NCKAP1: variants seen among roughly 807,000 people sequenced by gnomAD.
NCKAP1 encodes nck-associated protein 1.
A neutral mutation model predicts 151.2 loss-of-function variants in NCKAP1; 21 were observed. The observed-to-expected ratio is 0.14, with a 90% CI of 0.10 to 0.20. The LOEUF is 0.20. Ranked by LOEUF, NCKAP1 falls within the 10% of genes least tolerant of loss-of-function variation. The probability of loss-of-function intolerance (pLI) is 1.00; values close to 1 mark genes in which losing one functional copy is unlikely to be tolerated. For synonymous variants in NCKAP1, 484 were observed against 451.8 expected, an observed-to-expected ratio of 1.07 and a Z score of -0.90; for missense variants, 933 against 1,352.1, an observed-to-expected ratio of 0.69 and a Z score of 4.86.
chr2:182,959,624 C>T (rs541678385), intron 18 of NCKAP1, among the ~76,000 whole-genome samples: 49 of 152,200 alleles, frequency 3.2e-4, no homozygotes, highest in African/African-American at 1.1e-3. Context: ...AACCCACAGC[C>T]AATATTATAC....
chr2:182,951,734 A>G (rs1697222721), intron 23 of NCKAP1, among the ~76,000 whole-genome samples: 1 of 152,002 alleles, frequency 6.6e-6, no homozygotes, highest in Admixed American at 6.6e-5. Flanking sequence ...TTAAAACATG[A>G]TTTCTCTATT....
chr2:182,974,542 G>A (rs1370546368), intron 15 of NCKAP1, among the ~76,000 whole-genome samples: 1 of 152,026 alleles, frequency 6.6e-6, no homozygotes, highest in African/African-American at 2.4e-5. Context: ...ATGCAAAGAG[G>A]AAAAATGAAG....
rs1403742773 is a variant in NCKAP1 at position 182,909,681 on chromosome 2, A to C, written c.*16021T>G. On this transcript the variant is annotated 3_prime_UTR_variant, in exon 31 of 31. Coordinates refer to ENST00000361354, the MANE Select transcript of NCKAP1 (RefSeq NM_013436.5). The stretch of plus-strand genomic sequence containing the variant: ...AAGTAAACAATCACTTTTAAAGCCA[A>C]GGTTTCCTTGAGAAGATATTTAGGG... 6.6e-6 allele frequency: 1 copy of C among 152,198 alleles called. No homozygotes were observed. The highest frequency in any genetic ancestry group is 6.5e-5 in the Admixed American group (1 of 15,284). The allele number at this position is 152,198 out of a possible 1,614,324, so 9.4% of individuals were successfully genotyped here. A position where few individuals can be genotyped will look rare whatever the true frequency, so the allele number is the denominator to read the frequency against.
intron 2 of NCKAP1, among the ~76,000 whole-genome samples, chr2:183,020,332 T>C (rs1354665507): frequency 6.6e-6 from 1 of 151,320 alleles, no homozygotes; most frequent in African/African-American, 2.4e-5. Flanking sequence ...GGTGTGGTGG[T>C]TGTGCCCCTG....
In NCKAP1 at chr2:183,023,826, C is replaced by G; in HGVS notation, c.199G>C (p.Val67Leu). 6.2e-7 allele frequency: 1 copy of G among 1,611,916 alleles called. No homozygotes were observed. Among genetic ancestry groups the G allele is most frequent in the East Asian group, 2.2e-5 (1 of 44,826 alleles). Residue 67 changes from valine (V) to leucine (L), a missense_variant, in exon 2 of 31, where the codon GTA (valine) becomes CTA (leucine). By Grantham distance (32) the Val-to-Leu change is conservative. This residue lies in a region of NCKAP1 where 607 missense variants were observed against 795.0 expected (regional missense o/e 0.76). Transcript: ENST00000361354. ...VKFIVRKFPA[V>L]ETRNNNQQLA... is the part of the protein sequence containing the mutation. Reference sequence around the variant, plus strand: ...CTTACATTGTTGTTGCGGGTTTCTACAGCAGGGAATTTTCTGACTATGAAT... The same window carrying G: ...CTTACATTGTTGTTGCGGGTTTCTAGAGCAGGGAATTTTCTGACTATGAAT...
intron 2 of NCKAP1, among the ~76,000 whole-genome samples, chr2:183,009,392 AG>A (rs1223399870): frequency 1.1e-4 from 4 of 37,978 alleles, no homozygotes; most frequent in African/African-American, 4.2e-4. Flanking sequence ...GGAAAGAGGG[AG>A]GGGGAGGGGG....
At chr2:182,945,238 A>C (rs984913523) in intron 23 of NCKAP1, among the ~76,000 whole-genome samples, 2 of 20,746 alleles carry the variant, frequency 9.6e-5, no homozygotes, top group Non-Finnish European at 2.9e-4. Flanking sequence ...TGTCTCAAAA[A>C]ATAAAAAACA....
rs1696531580 is a variant in NCKAP1 at position 182,920,448 on chromosome 2, T to C, written c.*5254A>G. ...CACATTTCTAGAACCAAAATATGAG[T>C]CCGTGTGGGCTGCTATAACGAAATG... On this transcript the variant is annotated 3_prime_UTR_variant, in exon 31 of 31. Transcript: ENST00000361354. 6.6e-6 allele frequency: 1 copy of C among 152,132 alleles called. No individual in the cohort carries two copies. The highest frequency in any genetic ancestry group is 1.5e-5 in the Non-Finnish European group (1 of 68,018). 9.4% of individuals were successfully genotyped at this position (152,132 alleles called of 1,614,324 possible).
intron 13 of NCKAP1, among the ~76,000 whole-genome samples, chr2:182,980,989 C>A (rs973426626): frequency 7.9e-5 from 12 of 152,172 alleles, no homozygotes; most frequent in Non-Finnish European, 1.5e-4. Context: ...TTAGCGTACA[C>A]CTCCATCTTC....
rs1696526073 is a variant in NCKAP1 at position 182,920,055 on chromosome 2, C to T, written c.*5647G>A. 6.6e-6 allele frequency: 1 copy of T among 152,396 alleles called. No individual in the cohort carries two copies. The highest frequency in any genetic ancestry group is 2.1e-4 in the South Asian group (1 of 4,842). The allele number at this position is 152,396 out of a possible 1,614,324, so 9.4% of individuals were successfully genotyped here. A position where few individuals can be genotyped will look rare whatever the true frequency, so the allele number is the denominator to read the frequency against. ...CGAACCACCCACTGCCGCCAACCCT[C>T]CCCTTGGGCTCAAGCAATCCTGCCA... is the stretch of plus-strand genomic sequence containing the variant. On this transcript the variant is annotated 3_prime_UTR_variant, in exon 31 of 31. Coordinates refer to ENST00000361354, the MANE Select transcript of NCKAP1 (RefSeq NM_013436.5).
At chr2:182,957,422 T>C (rs375719027) in intron 19 of NCKAP1, 35 bp downstream of exon 19, 13 of 1,580,464 alleles carry the variant, frequency 8.2e-6, no homozygotes, top group Non-Finnish European at 1.0e-5. Context: ...ATATTTTACC[T>C]GGAGCAAAAA....
chr2:182,927,411 T>G (rs1696670437), intron 29 of NCKAP1: 1 of 152,172 alleles, frequency 6.6e-6, no homozygotes, highest in African/African-American at 2.4e-5. Context: ...GTACTATATT[T>G]GCATTTGTAA....
chr2:183,007,871 C>T (rs996876782), intron 2 of NCKAP1, among the ~76,000 whole-genome samples: 4 of 152,160 alleles, frequency 2.6e-5, no homozygotes, highest in African/African-American at 9.7e-5. Context: ...TGTATTTCTC[C>T]TCTTGCCTCT....
At chr2:182,939,077 C>T (rs1013663555) in intron 24 of NCKAP1, among the ~76,000 whole-genome samples, 2 of 151,848 alleles carry the variant, frequency 1.3e-5, no homozygotes, top group Non-Finnish European at 2.9e-5. Context: ...AATGAGTTTT[C>T]GAAAGAAAAA....
rs932126656 is a variant in NCKAP1 at position 182,996,678 on chromosome 2, G to A, written c.604-840C>T. Among the ~76,000 whole-genome samples, 7 of 152,218 alleles carry A rather than the reference G, an allele frequency of 4.6e-5. No homozygotes were observed. In the South Asian group the frequency reaches 8.3e-4, roughly 18 times the overall value. On this transcript the variant is annotated intron_variant, in intron 6 of 30. Coordinates refer to ENST00000361354, the MANE Select transcript of NCKAP1 (RefSeq NM_013436.5). ...TCACCGTGTTAGCCAGGATGGTCTCGATCTCCTGACCTCCTGATCCGCCTG... is the reference window on the plus strand; with the variant it reads ...TCACCGTGTTAGCCAGGATGGTCTCAATCTCCTGACCTCCTGATCCGCCTG...
At chr2:183,021,671 G>A (rs546469802) in intron 2 of NCKAP1, among the ~76,000 whole-genome samples, 3 of 152,164 alleles carry the variant, frequency 2.0e-5, no homozygotes, top group Middle Eastern at 6.8e-3. Context: ...AAAATATTAC[G>A]TTAAATGACA....
chr2:183,001,962 G>T lies in NCKAP1; in HGVS notation c.594C>A (p.Pro198=). ...PLKKMMEEFV[P]HSKSLSDALI... ...AACAACTGCCTCTTACCTTGCTATGGGGTACAAATTCTTCCATCATCTTCT... is the reference window on the plus strand; with the variant it reads ...AACAACTGCCTCTTACCTTGCTATGTGGTACAAATTCTTCCATCATCTTCT... The change falls in exon 6 of 31, where the codon CCC becomes CCA. Residue 198 remains proline, a synonymous_variant. Coordinates refer to ENST00000361354, the MANE Select transcript of NCKAP1 (RefSeq NM_013436.5). 6.2e-7 allele frequency: 1 copy of T among 1,612,778 alleles called. No homozygotes were observed. Among genetic ancestry groups the T allele is most frequent in the Non-Finnish European group, 8.5e-7 (1 of 1,178,976 alleles).
chr2:182,987,769 A>G (rs954607530), intron 9 of NCKAP1, among the ~76,000 whole-genome samples: 10 of 152,192 alleles, frequency 6.6e-5, no homozygotes, highest in Non-Finnish European at 1.0e-4. Flanking sequence ...ACCATCTAAA[A>G]TAAGAGCTGA....
intron 20 of NCKAP1, among the ~76,000 whole-genome samples, chr2:182,954,930 T>C (rs994179812): frequency 3.9e-5 from 6 of 152,062 alleles, no homozygotes; most frequent in African/African-American, 1.2e-4. Context: ...GCAGACTGTT[T>C]ACAAGGAAAA....
Sources: allele counts gnomAD v4.1 joint callset (sites outside exome capture counted in the v4.1 genomes callset), GRCh38; gene constraint gnomAD v4.1.1; regional missense constraint gnomAD v4.1.1; transcripts MANE v1.5; gene names NCBI Gene and HGNC (gene_info 2026-07-23, HGNC 2026-07-21).